The following PPP2R2B variants were observed in gnomAD, a reference collection of about 807,000 sequenced individuals.
PPP2R2B encodes protein phosphatase 2 regulatory subunit Bbeta.
PPP2R2B carries 5 observed loss-of-function variants against 46.0 expected under a neutral mutation model. The observed-to-expected ratio is 0.11, with a 90% CI of 0.06 to 0.23. The LOEUF is 0.23. Ranked by LOEUF, PPP2R2B falls within the 10% of genes least tolerant of loss-of-function variation. PPP2R2B has a pLI of 1.00. For synonymous variants in PPP2R2B, 215 were observed against 206.7 expected, an observed-to-expected ratio of 1.04 and a Z score of -0.34; for missense variants, 367 against 575.0, an observed-to-expected ratio of 0.64 and a Z score of 3.70.
At position 146,585,477 on chromosome 5, in the gene PPP2R2B, T is replaced by G. The variant is rs990484061; in HGVS notation, c.*4470A>C. On this transcript the variant is annotated 3_prime_UTR_variant, in exon 10 of 10. Coordinates refer to ENST00000394411, the MANE Select transcript of PPP2R2B (RefSeq NM_181675.4). ...TAAATAAGTCAATACATGTGAAATT[T>G]GTAGAACAAAGCCTGGCTTATAATA... is the stretch of plus-strand genomic sequence containing the variant. 3 of 152,200 alleles carry G rather than the reference T, an allele frequency of 2.0e-5. No individual in the cohort carries two copies. Among genetic ancestry groups the G allele is most frequent in the African/African-American group, 7.2e-5 (3 of 41,452 alleles). The allele number at this position is 152,200 out of a possible 1,614,324, so 9.4% of individuals were successfully genotyped here.
At chr5:146,843,785 AT>A (rs574292698) in intron 2 of PPP2R2B, among the ~76,000 whole-genome samples, 1 of 152,162 alleles carries the variant, frequency 6.6e-6, no homozygotes, top group African/African-American at 2.4e-5. Flanking sequence ...TGAACTCATC[AT>A]TTTTTATGGC....
intron 5 of PPP2R2B, among the ~76,000 whole-genome samples, chr5:146,674,012 G>C (rs1489109942): frequency 6.6e-6 from 1 of 152,136 alleles, no homozygotes; most frequent in Non-Finnish European, 1.5e-5. Context: ...GACCAAGTTA[G>C]AAGTCTCTTC....
chr5:146,691,037 A>G, intron 5 of PPP2R2B, 91 bp downstream of exon 5: 2 of 1,086,528 alleles, frequency 1.8e-6, no homozygotes, highest in East Asian at 2.4e-5. Flanking sequence ...CTGGCCCATT[A>G]TAGTTGCAAC....
At chr5:146,713,474 A>C (rs1780318598) in intron 2 of PPP2R2B, among the ~76,000 whole-genome samples, 2 of 152,258 alleles carry the variant, frequency 1.3e-5, no homozygotes, top group Admixed American at 6.5e-5. Flanking sequence ...ACATTTTACA[A>C]CAAAAAAGTG....
At position 146,629,774 on chromosome 5, in the gene PPP2R2B, C is replaced by T. The variant is rs546340615; in HGVS notation, c.790+8477G>A. 2.1e-5 allele frequency among the ~76,000 whole-genome samples: 3 copies of T among 143,672 alleles called. No individual in the cohort carries two copies. The Admixed American group carries it at 2.1e-4, about 10-fold the overall frequency. 94.3% of individuals were successfully genotyped at this position (143,672 alleles called of 152,430 possible). On this transcript the variant is annotated intron_variant, in intron 7 of 9. Coordinates refer to ENST00000394411, the MANE Select transcript of PPP2R2B (RefSeq NM_181675.4). The stretch of plus-strand genomic sequence containing the variant: ...CCCTCCCCTTTTCTTCCTTTTCTTT[C>T]CTTTCCCCTTTCCCCTTTCTCCTTT...
At chr5:146,698,244 T>TGAGGGCA in intron 3 of PPP2R2B, 100 bp from the exon 4 acceptor site, 3 of 930,518 alleles carry the variant, frequency 3.2e-6, no homozygotes, top group East Asian at 3.4e-5. Flanking sequence ...GGGGGTGGGA[T>TGAGGGCA]GAGGGCAGGG....
chr5:146,701,596 T>C lies in PPP2R2B; in HGVS notation c.71-454A>G, dbSNP rs74771279. Reference sequence around the variant, plus strand: ...GGTTAGGATGCTTGAAGCTTAGACATGGAAAATGGAGGAACAGAGCACAAA... The same window carrying C: ...GGTTAGGATGCTTGAAGCTTAGACACGGAAAATGGAGGAACAGAGCACAAA... On this transcript the variant is annotated intron_variant, in intron 2 of 9. Coordinates refer to ENST00000394411, the MANE Select transcript of PPP2R2B (RefSeq NM_181675.4). Among the ~76,000 whole-genome samples, 606 of 152,128 alleles carry C rather than the reference T, an allele frequency of 4.0e-3. 4 individuals carry two copies. The highest frequency in any genetic ancestry group is 0.014 in the African/African-American group (572 of 41,498).
intron 1 of PPP2R2B, among the ~76,000 whole-genome samples, chr5:146,923,055 C>T (rs1763660808): frequency 6.6e-6 from 1 of 152,152 alleles, no homozygotes; most frequent in African/African-American, 2.4e-5. Context: ...ATAGGTGAGC[C>T]ATGTAATCAA....
intron 2 of PPP2R2B, among the ~76,000 whole-genome samples, chr5:146,803,068 C>T (rs970373076): frequency 1.3e-5 from 2 of 152,050 alleles, no homozygotes; most frequent in African/African-American, 4.8e-5. Context: ...TGAATTGTTC[C>T]CTTCATATGC....
intron 1 of PPP2R2B, among the ~76,000 whole-genome samples, chr5:147,018,221 A>G (rs1456316631): frequency 2.6e-5 from 4 of 152,180 alleles, no homozygotes; most frequent in African/African-American, 7.2e-5. Flanking sequence ...TTTATTTTGT[A>G]TGACTTCGAA....
At chr5:146,864,521 A>T (rs958812041) in intron 2 of PPP2R2B, among the ~76,000 whole-genome samples, 1 of 151,814 alleles carries the variant, frequency 6.6e-6, no homozygotes, top group African/African-American at 2.4e-5. Context: ...CTTTGAAGTT[A>T]CCTACTCACC....
chr5:146,654,493 A>G (rs1776191220), intron 5 of PPP2R2B, among the ~76,000 whole-genome samples: 1 of 152,226 alleles, frequency 6.6e-6, no homozygotes. Flanking sequence ...TCTGTGGTGT[A>G]TGGATGTGAC....
At chr5:146,643,205 AGG>A (rs746903883) in intron 6 of PPP2R2B, among the ~76,000 whole-genome samples, 1 of 151,948 alleles carries the variant, frequency 6.6e-6, no homozygotes, top group African/African-American at 2.4e-5. Flanking sequence ...AGAGAGAGAG[AGG>A]GAGACAGACA....
At chr5:147,066,558 G>A (rs1757419894) in intron 2 of PPP2R2B, among the ~76,000 whole-genome samples, 1 of 152,112 alleles carries the variant, frequency 6.6e-6, no homozygotes, top group Admixed American at 6.5e-5. Flanking sequence ...ACCTTAGAAA[G>A]TGTTTGACAC....
At chr5:147,017,919 T>G (rs912058905) in intron 1 of PPP2R2B, among the ~76,000 whole-genome samples, 6 of 152,072 alleles carry the variant, frequency 3.9e-5, no homozygotes, top group African/African-American at 1.4e-4. Context: ...GCAATGTCTT[T>G]AAGCAGCAAT....
At chr5:147,010,993 C>T (rs1313466519) in intron 1 of PPP2R2B, among the ~76,000 whole-genome samples, 1 of 152,144 alleles carries the variant, frequency 6.6e-6, no homozygotes, top group Non-Finnish European at 1.5e-5. Flanking sequence ...CTACTCAAAA[C>T]CCTCCAGTGG....
chr5:146,836,367 T>C (rs1435583541), intron 2 of PPP2R2B, among the ~76,000 whole-genome samples: 2 of 152,218 alleles, frequency 1.3e-5, no homozygotes, highest in Non-Finnish European at 2.9e-5. Flanking sequence ...CTCTTCAGTA[T>C]TGGGATGGAT....
At chr5:146,814,442 A>G (rs964100672) in intron 2 of PPP2R2B, among the ~76,000 whole-genome samples, 1 of 152,204 alleles carries the variant, frequency 6.6e-6, no homozygotes, top group Non-Finnish European at 1.5e-5. Context: ...ATGGTCAGGC[A>G]GTGTTAACTG....
chr5:146,659,834 C>A (rs568485325), intron 5 of PPP2R2B, among the ~76,000 whole-genome samples: 1 of 152,260 alleles, frequency 6.6e-6, no homozygotes, highest in Admixed American at 6.5e-5. Context: ...GCATTCTTAC[C>A]ATTAACTTCC....
Sources: gnomAD v4.1 joint callset for allele counts (sites outside exome capture counted in the v4.1 genomes callset) on GRCh38, gnomAD v4.1.1 for gene constraint, MANE v1.5 for transcripts, NCBI Gene and HGNC (gene_info 2026-07-23, HGNC 2026-07-21) for gene names.